CLINT1: variants seen among roughly 807,000 people sequenced by gnomAD.
CLINT1 encodes the protein clathrin interacting protein localized in the trans-Golgi region.
In CLINT1, 15 loss-of-function variants were observed where a neutral mutation model predicts 70.4. The observed-to-expected ratio is 0.21, with a 90% CI of 0.14 to 0.33. CLINT1 has a LOEUF of 0.33. Among genes scored for constraint, CLINT1 ranks in the 10% least tolerant of loss-of-function variants. The pLI, the probability that CLINT1 is intolerant of heterozygous loss-of-function variation, is 1.00. For missense variants in CLINT1, 615 were observed against 778.1 expected (o/e 0.79, Z 2.49); for synonymous variants, 227 against 254.7 (o/e 0.89, Z 1.04).
intron 1 of CLINT1, among the ~76,000 whole-genome samples, chr5:157,856,096 G>T (rs959713045): frequency 6.6e-6 from 1 of 152,228 alleles, no homozygotes; most frequent in African/African-American, 2.4e-5. Context: ...CCTGAGTCAT[G>T]GTCTTATTTA....
chr5:157,847,290 A>G (rs1753415300), intron 1 of CLINT1, among the ~76,000 whole-genome samples: 2 of 152,066 alleles, frequency 1.3e-5, no homozygotes, highest in African/African-American at 4.8e-5. Context: ...GACTGCTTAA[A>G]CTCAGGAGTT....
intron 1 of CLINT1, among the ~76,000 whole-genome samples, chr5:157,845,410 AT>A: frequency 6.6e-6 from 1 of 151,972 alleles, no homozygotes. Context: ...TTCCCAAGTA[AT>A]TTTTTAATTT....
intron 1 of CLINT1, among the ~76,000 whole-genome samples, chr5:157,849,218 T>C (rs1410495456): frequency 6.6e-6 from 1 of 152,236 alleles, no homozygotes; most frequent in Non-Finnish European, 1.5e-5. Flanking sequence ...ATTGTTATTT[T>C]AAGAAATTGC....
intron 1 of CLINT1, among the ~76,000 whole-genome samples, chr5:157,847,045 C>T (rs371664257): frequency 6.6e-6 from 1 of 152,248 alleles, no homozygotes; most frequent in Admixed American, 6.5e-5. Context: ...ACACAATGTT[C>T]GTTTTGTAGC....
chr5:157,841,548 AGAGT>A (rs1333186098), intron 1 of CLINT1, among the ~76,000 whole-genome samples: 2 of 152,176 alleles, frequency 1.3e-5, no homozygotes, highest in Non-Finnish European at 2.9e-5. Context: ...CCTGGGTGAC[AGAGT>A]GAGACTCAAT....
chr5:157,803,598 A>G (rs993026729), intron 8 of CLINT1, 52 bp downstream of exon 8: 120 of 1,265,614 alleles, frequency 9.5e-5, no homozygotes, highest in Non-Finnish European at 1.2e-4. Flanking sequence ...TTTATTTGGC[A>G]TTTTAAAAAA....
rs150242169 is a variant in CLINT1 at position 157,815,120 on chromosome 5, T to TACACACAC, written c.244-835_244-828dup. 6.5e-3 allele frequency among the ~76,000 whole-genome samples: 926 copies of TACACACAC among 142,184 alleles called. 4 individuals are homozygous for TACACACAC. The highest frequency in any genetic ancestry group is 0.033 in the South Asian group (145 of 4,388). The allele number at this position is 142,184 out of a possible 152,430, so 93.3% of individuals were successfully genotyped here. A position where few individuals can be genotyped will look rare whatever the true frequency, so the allele number is the denominator to read the frequency against. On this transcript the variant is annotated intron_variant, in intron 3 of 11. Transcript: ENST00000411809. ...TTTGCAAAATAGACATCTTCACACATACACACACACACACACACACACACA... is the reference window on the plus strand; with the variant it reads ...TTTGCAAAATAGACATCTTCACACATACACACACACACACACACACACACACACACACA...
At chr5:157,810,437 AG>A (rs1407385989) in intron 5 of CLINT1, among the ~76,000 whole-genome samples, 1 of 152,244 alleles carries the variant, frequency 6.6e-6, no homozygotes, top group African/African-American at 2.4e-5. Flanking sequence ...TACTAGAATC[AG>A]GAAGTATGCT....
At chr5:157,841,664 C>G (rs1753182920) in intron 1 of CLINT1, among the ~76,000 whole-genome samples, 1 of 152,150 alleles carries the variant, frequency 6.6e-6, no homozygotes, top group South Asian at 2.1e-4. Context: ...TTCTGTTGTC[C>G]AGGTGGAGTG....
intron 3 of CLINT1, among the ~76,000 whole-genome samples, chr5:157,816,127 A>G (rs897301099): frequency 3.3e-5 from 5 of 152,210 alleles, no homozygotes; most frequent in Middle Eastern, 3.2e-3. Flanking sequence ...AAACTAACAC[A>G]TAGATTTTCA....
At chr5:157,829,776 A>C (rs1763166214) in intron 1 of CLINT1, among the ~76,000 whole-genome samples, 1 of 144,372 alleles carries the variant, frequency 6.9e-6, no homozygotes, top group East Asian at 2.0e-4. Flanking sequence ...TCCTGGACTC[A>C]AGCGATCTGC....
At chr5:157,808,912 T>A (rs1045654676) in intron 6 of CLINT1, among the ~76,000 whole-genome samples, 2 of 152,074 alleles carry the variant, frequency 1.3e-5, no homozygotes. Context: ...CTGGATCATC[T>A]AAGGTCCAAA....
chr5:157,830,778 CTCTCTCTCTCTCTCTCTCTATA>C (rs1377340104), intron 1 of CLINT1, among the ~76,000 whole-genome samples: 10 of 130,864 alleles, frequency 7.6e-5, no homozygotes, highest in Admixed American at 5.9e-4. Flanking sequence ...CTCTCTCTCT[CTCTCTCTCTCTCTCTCTCTATA>C]TATATATATA....
At chr5:157,815,992 TA>T (rs1388712534) in intron 3 of CLINT1, among the ~76,000 whole-genome samples, 1 of 152,280 alleles carries the variant, frequency 6.6e-6, no homozygotes, top group East Asian at 1.9e-4. Context: ...CAAGAATTTT[TA>T]AAAAACCAAA....
intron 2 of CLINT1, 95 bp from the exon 3 acceptor site, chr5:157,816,925 T>C: frequency 1.2e-6 from 1 of 843,074 alleles, no homozygotes; most frequent in Non-Finnish European, 1.8e-6. Context: ...TGAAGAGTTT[T>C]TAAAAATTAA....
chr5:157,814,089 A>G, intron 4 of CLINT1, 96 bp downstream of exon 4: 6 of 777,726 alleles, frequency 7.7e-6, no homozygotes, highest in Non-Finnish European at 1.3e-5. Flanking sequence ...CAACAGTCAC[A>G]TTCTAATTAG....
chr5:157,797,990 A>T (rs530350852), intron 8 of CLINT1, among the ~76,000 whole-genome samples: 1 of 152,332 alleles, frequency 6.6e-6, no homozygotes, highest in East Asian at 1.9e-4. Flanking sequence ...TTACAAATAG[A>T]AGTTGTCTTT....
chr5:157,809,019 TAGAC>T (rs1364887542), intron 6 of CLINT1: 3 of 152,078 alleles, frequency 2.0e-5, no homozygotes, highest in Non-Finnish European at 4.4e-5. Flanking sequence ...CAAAAATAAG[TAGAC>T]AGAGGCAACA....
chr5:157,817,603 A>C (rs1461366947), intron 1 of CLINT1, 56 bp from the exon 2 acceptor site: 7 of 1,117,738 alleles, frequency 6.3e-6, no homozygotes, highest in South Asian at 4.0e-5. Context: ...CAAAACTGAG[A>C]AACACATGAA....
Sources: allele counts gnomAD v4.1 joint callset (sites outside exome capture counted in the v4.1 genomes callset), GRCh38; gene constraint gnomAD v4.1.1; transcripts MANE v1.5; gene names NCBI Gene and HGNC (gene_info 2026-07-23, HGNC 2026-07-21).